The following PARD3 variants were observed in gnomAD, a reference collection of about 807,000 sequenced individuals.
The protein encoded by PARD3 is par-3 family cell polarity regulator.
A neutral mutation model predicts 155.4 loss-of-function variants in PARD3; 75 were observed. That is an observed-to-expected ratio of 0.48 (90% CI 0.40 to 0.58). The LOEUF (loss-of-function observed/expected upper bound fraction) is 0.58. Among genes scored for constraint, PARD3 ranks in the 20% least tolerant of loss-of-function variants. PARD3 has a pLI of 0.00. For synonymous variants in PARD3, 576 were observed against 610.5 expected, an observed-to-expected ratio of 0.94 and a Z score of 0.83; for missense variants, 1,642 against 1,721.7, an observed-to-expected ratio of 0.95 and a Z score of 0.82.
intron 22 of PARD3, among the ~76,000 whole-genome samples, chr10:34,154,990 G>A (rs1286663220): frequency 6.6e-6 from 1 of 152,196 alleles, no homozygotes; most frequent in African/African-American, 2.4e-5. Context: ...CAATGGTCAG[G>A]TAACAATAAT....
chr10:34,373,812 T>C (rs1343940683), intron 11 of PARD3, among the ~76,000 whole-genome samples: 2 of 151,888 alleles, frequency 1.3e-5, no homozygotes. Flanking sequence ...GGATAAGATA[T>C]TATGACTAAA....
chr10:34,218,233 A>T (rs981072425), intron 22 of PARD3, among the ~76,000 whole-genome samples: 1 of 152,228 alleles, frequency 6.6e-6, no homozygotes, highest in Non-Finnish European at 1.5e-5. Context: ...ATTCTATGGA[A>T]GGCACATGAC....
intron 2 of PARD3, among the ~76,000 whole-genome samples, chr10:34,626,807 C>T (rs181417414): frequency 6.6e-6 from 1 of 152,264 alleles, no homozygotes; most frequent in East Asian, 1.9e-4. Flanking sequence ...CTTCTAACTG[C>T]AGCCAAAGAT....
chr10:34,699,328 T>TAA (rs5784426), intron 1 of PARD3, among the ~76,000 whole-genome samples: 15 of 151,700 alleles, frequency 9.9e-5, no homozygotes, highest in East Asian at 1.9e-4. Flanking sequence ...GCATTAAAAA[T>TAA]AAAAAAATAA....
chr10:34,601,741 A>T (rs1365156203), intron 2 of PARD3, among the ~76,000 whole-genome samples: 2 of 152,224 alleles, frequency 1.3e-5, no homozygotes, highest in East Asian at 1.9e-4. Flanking sequence ...AAATATCATT[A>T]AAAAATGATA....
At chr10:34,386,770 C>T (rs192065724) in intron 7 of PARD3, among the ~76,000 whole-genome samples, 2 of 148,484 alleles carry the variant, frequency 1.3e-5, no homozygotes, top group African/African-American at 2.5e-5. Context: ...TGCGGTGAGC[C>T]GAGATCGCGC....
chr10:34,244,347 T>C (rs1422961856), intron 22 of PARD3, among the ~76,000 whole-genome samples: 3 of 152,222 alleles, frequency 2.0e-5, no homozygotes, highest in Non-Finnish European at 2.9e-5. Context: ...AGCAAAATGT[T>C]GCGCCTAGTT....
intron 12 of PARD3, among the ~76,000 whole-genome samples, chr10:34,371,486 C>CAAAAAAAAAAAAAA (rs968034029): frequency 4.4e-5 from 1 of 22,748 alleles, no homozygotes; most frequent in Non-Finnish European, 8.5e-5. Flanking sequence ...ATTCTAGACT[C>CAAAAAAAAAAAAAA]AAAAAAAAAA....
chr10:34,756,482 A>T (rs1246060629), intron 1 of PARD3, among the ~76,000 whole-genome samples: 1 of 145,986 alleles, frequency 6.8e-6, no homozygotes, highest in Non-Finnish European at 1.5e-5. Flanking sequence ...TCTTATAAAA[A>T]AAAAAAAAAA....
chr10:34,729,567 A>T (rs1201760904), intron 1 of PARD3, among the ~76,000 whole-genome samples: 2 of 151,976 alleles, frequency 1.3e-5, no homozygotes, highest in African/African-American at 4.8e-5. Flanking sequence ...ATATGATGCT[A>T]TAAAAAAGGA....
At chr10:34,379,400 T>C (rs1267394312) in intron 9 of PARD3, among the ~76,000 whole-genome samples, 1 of 152,134 alleles carries the variant, frequency 6.6e-6, no homozygotes, top group African/African-American at 2.4e-5. Context: ...ACTATTAATA[T>C]TTCTGATGTC....
chr10:34,206,276 A>C (rs536398156), intron 22 of PARD3, among the ~76,000 whole-genome samples: 1 of 152,334 alleles, frequency 6.6e-6, no homozygotes, highest in South Asian at 2.1e-4. Context: ...TATTCATTGC[A>C]CATCTTCAGC....
intron 1 of PARD3, among the ~76,000 whole-genome samples, chr10:34,762,674 C>A (rs942377054): frequency 6.6e-6 from 1 of 152,058 alleles, no homozygotes; most frequent in African/African-American, 2.4e-5. Flanking sequence ...CTCTTACGTT[C>A]CACAAAATAG....
At chr10:34,557,895 C>T (rs534374196) in intron 2 of PARD3, among the ~76,000 whole-genome samples, 2 of 150,420 alleles carry the variant, frequency 1.3e-5, no homozygotes, top group South Asian at 4.2e-4. Flanking sequence ...GATCATGCCA[C>T]TGCACTCCAG....
intron 2 of PARD3, among the ~76,000 whole-genome samples, chr10:34,668,347 A>G (rs1351652002): frequency 6.6e-6 from 1 of 152,212 alleles, no homozygotes; most frequent in Non-Finnish European, 1.5e-5. Context: ...ATTGTCTATC[A>G]TGAGATTTTG....
intron 2 of PARD3, among the ~76,000 whole-genome samples, chr10:34,677,256 G>A (rs1042967841): frequency 6.6e-6 from 1 of 152,114 alleles, no homozygotes; most frequent in Non-Finnish European, 1.5e-5. Flanking sequence ...TGAGGCAGGA[G>A]GACTGCTTGA....
chr10:34,463,661 T>G (rs1282999434), intron 4 of PARD3, among the ~76,000 whole-genome samples: 2 of 152,156 alleles, frequency 1.3e-5, no homozygotes, highest in African/African-American at 4.8e-5. Context: ...ATGTACTAGA[T>G]TCTAGTCTGC....
intron 1 of PARD3, among the ~76,000 whole-genome samples, chr10:34,805,566 T>C (rs56276736): frequency 0.31 from 43,001 of 139,606 alleles, 6,752 homozygotes; most frequent in African/African-American, 0.48. Context: ...TATATATATA[T>C]ACACCGTACA....
intron 22 of PARD3, among the ~76,000 whole-genome samples, chr10:34,263,010 A>G (rs1330943221): frequency 6.6e-6 from 1 of 152,254 alleles, no homozygotes; most frequent in African/African-American, 2.4e-5. Context: ...AGACCAAGCT[A>G]TTTAATGAAG....
Sources: allele counts gnomAD v4.1 joint callset (sites outside exome capture counted in the v4.1 genomes callset), GRCh38; gene constraint gnomAD v4.1.1; transcripts MANE v1.5; gene names NCBI Gene and HGNC (gene_info 2026-07-23, HGNC 2026-07-21).